The following PRELID2 variants were observed in gnomAD, a reference collection of about 807,000 sequenced individuals.
The protein encoded by PRELID2 is PRELI domain-containing protein 2.
A neutral mutation model predicts 28.4 loss-of-function variants in PRELID2; 25 were observed. The ratio of observed to expected loss-of-function variants is 0.88; its 90% CI spans 0.64 to 1.23. The LOEUF (loss-of-function observed/expected upper bound fraction) is 1.23. Ranked by LOEUF, PRELID2 falls within the 50% of genes most tolerant of loss-of-function variation. The probability of loss-of-function intolerance (pLI) is 0.00; values close to 1 mark genes in which losing one functional copy is unlikely to be tolerated. For missense variants in PRELID2, 201 were observed against 214.4 expected (o/e 0.94, Z 0.39); for synonymous variants, 76 against 71.6 (o/e 1.06, Z -0.31).
intron 1 of PRELID2, among the ~76,000 whole-genome samples, chr5:145,628,281 A>G (rs756917860): frequency 7.9e-5 from 12 of 152,102 alleles, no homozygotes; most frequent in Non-Finnish European, 1.5e-4. Flanking sequence ...TCATTATTGA[A>G]TGCTTTCTGG....
the PRELID2 span, among the ~76,000 whole-genome samples, chr5:145,345,777 T>G: frequency 6.6e-6 from 1 of 152,024 alleles, no homozygotes; most frequent in Non-Finnish European, 1.5e-5. Flanking sequence ...GGATTCAAGA[T>G]TCAAGATTGA....
At chr5:145,592,372 A>G (rs1261770149) in intron 1 of PRELID2, among the ~76,000 whole-genome samples, 1 of 152,096 alleles carries the variant, frequency 6.6e-6, no homozygotes, top group Non-Finnish European at 1.5e-5. Flanking sequence ...GTGAGCCAAG[A>G]TCACGCCACT....
intron 1 of PRELID2, among the ~76,000 whole-genome samples, chr5:145,602,999 C>A (rs1398660146): frequency 1.3e-5 from 2 of 152,040 alleles, no homozygotes; most frequent in African/African-American, 4.8e-5. Context: ...TTGCAGTAAG[C>A]CAAGACCGCG....
chr5:145,641,838 C>T (rs1754112486), intron 1 of PRELID2, among the ~76,000 whole-genome samples: 1 of 152,194 alleles, frequency 6.6e-6, no homozygotes, highest in Non-Finnish European at 1.5e-5. Flanking sequence ...CTGCAAAGGA[C>T]ATGAACTCAT....
chr5:145,796,385 T>C (rs774151268), intron 5 of PRELID2, 57 bp downstream of exon 5: 2 of 1,127,174 alleles, frequency 1.8e-6, no homozygotes, highest in Middle Eastern at 2.0e-4. Context: ...AATAACCCTA[T>C]TGGAACTCCT....
chr5:145,340,770 C>CATATATATATATATATAT, the PRELID2 span, among the ~76,000 whole-genome samples: 154 of 116,526 alleles, frequency 1.3e-3, 2 homozygotes, highest in East Asian at 6.3e-3. Flanking sequence ...TAAAAATATA[C>CATATATATATATATATAT]ATATATATAT....
At chr5:145,596,099 C>CAAAAAAAAAA (rs552746530) in intron 1 of PRELID2, among the ~76,000 whole-genome samples, 478 of 43,870 alleles carry the variant, frequency 0.011, 23 homozygotes, top group Admixed American at 0.053. Flanking sequence ...GAGCCTGTCT[C>CAAAAAAAAAA]AAAAAAAAAA....
chr5:145,737,940 G>A (rs965117488), intron 1 of PRELID2, among the ~76,000 whole-genome samples: 40 of 152,178 alleles, frequency 2.6e-4, no homozygotes, highest in African/African-American at 6.5e-4. Flanking sequence ...CTTTCCTGCC[G>A]CACTGAGGTA....
chr5:145,591,837 T>C (rs1753233109), intron 1 of PRELID2, among the ~76,000 whole-genome samples: 1 of 152,190 alleles, frequency 6.6e-6, no homozygotes, highest in African/African-American at 2.4e-5. Context: ...CTGGATCTGA[T>C]TTGATTCTGA....
chr5:145,495,927 G>C (rs1467187231), intron 1 of PRELID2, among the ~76,000 whole-genome samples: 2 of 152,146 alleles, frequency 1.3e-5, no homozygotes, highest in Non-Finnish European at 2.9e-5. Context: ...CTCAGAGTGT[G>C]AGTCACCGGA....
In PRELID2 at chr5:145,741,910, A is replaced by G. The variant is rs1317216120; in HGVS notation, n.70+23021T>C. On this transcript the variant is annotated intron_variant and non_coding_transcript_variant, in intron 1 of 2. Transcript: ENST00000510259. ...AATAAATAATTTAATTTAAATTTAT[A>G]TATAAATAAACAAATAAATTTATTA... is the stretch of plus-strand genomic sequence containing the variant. Among the ~76,000 whole-genome samples the G allele has an allele frequency of 9.1e-5, 11 of 121,164 alleles. No homozygotes were observed. In the Admixed American group the frequency reaches 9.4e-4, roughly 10 times the overall value. The allele number at this position is 121,164 out of a possible 152,430, so 79.5% of individuals were successfully genotyped here. A position where few individuals can be genotyped will look rare whatever the true frequency, so the allele number is the denominator to read the frequency against.
intron 2 of PRELID2, among the ~76,000 whole-genome samples, chr5:145,820,872 A>G (rs1754733977): frequency 6.6e-6 from 1 of 152,176 alleles, no homozygotes; most frequent in Non-Finnish European, 1.5e-5. Flanking sequence ...GAAAGGAAGG[A>G]AAGTACCAGT....
chr5:145,533,128 A>G lies in PRELID2; in HGVS notation n.71-59813T>C, dbSNP rs868762250. The stretch of plus-strand genomic sequence containing the variant: ...ACACTAAATATATGTTATTACTATT[A>G]TCCTTATCACCACTATTTCCAACAA... On this transcript the variant is annotated intron_variant and non_coding_transcript_variant, in intron 1 of 2. Coordinates refer to the PRELID2 transcript ENST00000510259. 1.1e-4 allele frequency among the ~76,000 whole-genome samples: 16 copies of G among 152,184 alleles called. No homozygotes were observed. The Middle Eastern group carries it at 0.014, about 130-fold the overall frequency.
intron 1 of PRELID2, among the ~76,000 whole-genome samples, chr5:145,633,430 G>T: frequency 6.6e-6 from 1 of 152,140 alleles, no homozygotes; most frequent in Non-Finnish European, 1.5e-5. Context: ...TGCATGAATA[G>T]TAAACTCTAG....
chr5:145,542,437 C>A (rs1263622377), intron 1 of PRELID2, among the ~76,000 whole-genome samples: 1 of 152,158 alleles, frequency 6.6e-6, no homozygotes, highest in Non-Finnish European at 1.5e-5. Flanking sequence ...TACTGTGTGA[C>A]AGGCACTTAG....
the PRELID2 span, among the ~76,000 whole-genome samples, chr5:145,415,096 A>G: frequency 6.6e-6 from 1 of 152,092 alleles, no homozygotes; most frequent in African/African-American, 2.4e-5. Flanking sequence ...TTGGAAGTAA[A>G]ACACTCCTCA....
chr5:145,369,437 C>A, the PRELID2 span, among the ~76,000 whole-genome samples: 1 of 152,024 alleles, frequency 6.6e-6, no homozygotes. Context: ...CATGTTCCTG[C>A]AAAGGACATG....
intron 1 of PRELID2, among the ~76,000 whole-genome samples, chr5:145,521,235 A>C (rs553979995): frequency 6.6e-6 from 1 of 152,344 alleles, no homozygotes; most frequent in African/African-American, 2.4e-5. Flanking sequence ...AATGAGGCAC[A>C]GTGGGGAGCT....
intron 4 of PRELID2, among the ~76,000 whole-genome samples, chr5:145,806,275 A>C (rs75539033): frequency 5.3e-5 from 8 of 152,088 alleles, no homozygotes; most frequent in Non-Finnish European, 1.0e-4. Context: ...TTGTCTTTTA[A>C]ATTCTTATTC....
Sources: allele counts gnomAD v4.1 joint callset (sites outside exome capture counted in the v4.1 genomes callset), GRCh38; gene constraint gnomAD v4.1.1; transcripts MANE v1.5; gene names NCBI Gene and HGNC (gene_info 2026-07-23, HGNC 2026-07-21).